The following MYL3 variants were observed in gnomAD, a reference collection of about 807,000 sequenced individuals.
The protein encoded by MYL3 is CMLC1.
In MYL3, 11 loss-of-function variants were observed where a neutral mutation model predicts 21.3. The ratio of observed to expected loss-of-function variants is 0.52; its 90% confidence interval spans 0.32 to 0.85. MYL3 has a LOEUF of 0.85. Ranked by LOEUF, MYL3 falls within the 40% of genes least tolerant of loss-of-function variation. The pLI is 0.03. For synonymous variants in MYL3, 88 were observed against 91.6 expected (o/e 0.96, Z 0.22); for missense variants, 206 against 253.3 (o/e 0.81, Z 1.27).
At chr3:46,866,829 C>T (rs1473535059), upstream of MYL3, among the ~76,000 whole-genome samples, 1 of 152,204 alleles carries the variant, frequency 6.6e-6, no homozygotes, top group East Asian at 1.9e-4. Flanking sequence ...CCACCACTTC[C>T]CCATGCCCAC....
At chr3:46,880,148 C>T (rs1170991970) in intron 1 of MYL3, 1 of 152,254 alleles carries the variant, frequency 6.6e-6, no homozygotes, top group East Asian at 1.9e-4. Flanking sequence ...CCCAAGGAGG[C>T]TACATACCAT....
intron 1 of MYL3, among the ~76,000 whole-genome samples, chr3:46,876,950 C>A (rs554119586): frequency 6.6e-6 from 1 of 152,180 alleles, no homozygotes; most frequent in Non-Finnish European, 1.5e-5. Context: ...TCCTGAGCAA[C>A]CAGCCCTGGT....
At position 46,858,430 on chromosome 3, in the gene MYL3, C is replaced by T. The variant is rs1575497431; in HGVS notation, c.513G>A (p.Lys171=). 1 of 1,613,922 alleles carries T rather than the reference C, an allele frequency of 6.2e-7. No individual in the cohort carries two copies. Among genetic ancestry groups the T allele is most frequent in the Non-Finnish European group, 8.5e-7 (1 of 1,180,018 alleles). ...TGGAGTCCTCTTGCCCAGCCATCAACTTCTCCACTTCGTCTTCTGTCAGCC... is the reference window on the plus strand; with the variant it reads ...TGGAGTCCTCTTGCCCAGCCATCAATTTCTCCACTTCGTCTTCTGTCAGCC... The part of the protein sequence containing the change: ...GERLTEDEVE[K]LMAGQEDSNG... Residue 171 remains lysine, a synonymous_variant, in exon 5 of 7, where the codon AAG becomes AAA. Transcript: ENST00000292327.
At chr3:46,858,595 G>A (rs968599917) in intron 4 of MYL3, 134 bp from the exon 5 acceptor site, 1 of 860,728 alleles carries the variant, frequency 1.2e-6, no homozygotes. Flanking sequence ...ACAAGACCTT[G>A]GCCATCACCC....
Position 46,858,220 on chromosome 3 carries a change from T to A in MYL3, c.*13+11A>T. On this transcript the variant is annotated intron_variant, in intron 6 of 6. Coordinates refer to ENST00000292327, the MANE Select transcript of MYL3 (RefSeq NM_000258.3). ...TGGCAGCAGCGGGTTCAGGAGGGAGTGGGTGCCTACCTGGGCACGAGGTTT... is the reference window on the plus strand; with the variant it reads ...TGGCAGCAGCGGGTTCAGGAGGGAGAGGGTGCCTACCTGGGCACGAGGTTT... 1 of 1,613,568 alleles carries A rather than the reference T, an allele frequency of 6.2e-7. No homozygotes were observed. Among genetic ancestry groups the A allele is most frequent in the Non-Finnish European group, 8.5e-7 (1 of 1,179,866 alleles).
intron 1 of MYL3, among the ~76,000 whole-genome samples, chr3:46,880,808 G>A (rs956792467): frequency 3.9e-5 from 6 of 152,188 alleles, no homozygotes; most frequent in Admixed American, 3.9e-4. Flanking sequence ...ACCTGGGAGT[G>A]CAGTCTGGAA....
At chr3:46,881,967 T>G (rs2030602799) in intron 1 of MYL3, 2 of 152,036 alleles carry the variant, frequency 1.3e-5, no homozygotes. Context: ...AAAAAAAATT[T>G]AAAAGCCCGT....
chr3:46,858,132 G>A lies in MYL3; in HGVS notation c.*14-31C>T. The A allele has an allele frequency of 5.1e-6, 7 of 1,366,616 alleles. No homozygotes were observed. The Admixed American group carries it at 6.8e-5, about 13-fold the overall frequency. The allele number at this position is 1,366,616 out of a possible 1,614,324, so 84.7% of individuals were successfully genotyped here. A position where few individuals can be genotyped will look rare whatever the true frequency, so the allele number is the denominator to read the frequency against. ...AGCAAAGGCAGTGCAGATTACAGAGGAGGAGGGAGACGGAGGCAGCAGGAT... is the reference window on the plus strand; with the variant it reads ...AGCAAAGGCAGTGCAGATTACAGAGAAGGAGGGAGACGGAGGCAGCAGGAT... On this transcript the variant is annotated intron_variant, in intron 6 of 6. Transcript: ENST00000292327.
intron 1 of MYL3, among the ~76,000 whole-genome samples, chr3:46,876,758 G>A (rs1329156845): frequency 6.6e-6 from 1 of 152,190 alleles, no homozygotes; most frequent in Non-Finnish European, 1.5e-5. Context: ...GCTGGAATGT[G>A]CTGAGTGGCA....
rs1334409860 is a variant in MYL3, at chr3:46,859,207, A to T, written c.481+268T>A. 3.3e-5 allele frequency among the ~76,000 whole-genome samples: 5 copies of T among 151,976 alleles called. No individual in the cohort carries two copies. The highest frequency in any genetic ancestry group is 1.2e-4 in the African/African-American group (5 of 41,358). ...AATGACCACCAGGACGGTGGCCTGG[A>T]GTCGTGGGAAGGAGGGGAGCATATC... On this transcript the variant is annotated intron_variant, in intron 4 of 6. Coordinates refer to ENST00000292327, the MANE Select transcript of MYL3 (RefSeq NM_000258.3). The surrounding 1 kb of genome is among the most constrained non-coding windows in gnomAD (Gnocchi z 4.1).
chr3:46,875,072 T>C (rs754430922), intron 1 of MYL3, among the ~76,000 whole-genome samples: 43 of 152,302 alleles, frequency 2.8e-4, no homozygotes, highest in African/African-American at 1.0e-3. Flanking sequence ...GGGGACAGAA[T>C]TGTTACCAGG....
At chr3:46,858,580 T>C in intron 4 of MYL3, 119 bp from the exon 5 acceptor site, 2 of 964,936 alleles carry the variant, frequency 2.1e-6, no homozygotes, top group Non-Finnish European at 3.2e-6. Flanking sequence ...CAACCAGCAC[T>C]GTTCACAAGA....
At position 46,860,128 on chromosome 3, in the gene MYL3, C is replaced by A. The variant is rs545112964; in HGVS notation, c.308-480G>T. Among the ~76,000 whole-genome samples the A allele has an allele frequency of 5.3e-5, 8 of 150,004 alleles. No homozygotes were observed. In the South Asian group the frequency reaches 1.7e-3, roughly 32 times the overall value. Reference sequence around the variant, plus strand: ...TTATTCATTTATGTATTTATTCATTCATTTATTTATTTTTAGACACGAGGT... The same window carrying A: ...TTATTCATTTATGTATTTATTCATTAATTTATTTATTTTTAGACACGAGGT... On this transcript the variant is annotated intron_variant, in intron 3 of 6. Coordinates refer to ENST00000292327, the MANE Select transcript of MYL3 (RefSeq NM_000258.3). This position sits in a 1 kb window ranked among gnomAD's most constrained non-coding sequence, Gnocchi z 4.6.
At chr3:46,877,204 T>C (rs2030270127) in intron 1 of MYL3, among the ~76,000 whole-genome samples, 1 of 151,988 alleles carries the variant, frequency 6.6e-6, no homozygotes. Flanking sequence ...GACGGCCCCC[T>C]CCATCTCTTC....
At position 46,863,014 on chromosome 3, in the gene MYL3, C is replaced by A. The variant is rs145587968; in HGVS notation, c.129+248G>T. Among the ~76,000 whole-genome samples, 257 of 152,354 alleles carry A rather than the reference C, an allele frequency of 1.7e-3. 1 individual carries two copies. Among genetic ancestry groups the A allele is most frequent in the African/African-American group, 5.9e-3 (247 of 41,584 alleles). On this transcript the variant is annotated intron_variant, in intron 1 of 6. Coordinates refer to ENST00000292327, the MANE Select transcript of MYL3 (RefSeq NM_000258.3). ...ACTAAAAAGACAGTCCAGACTCAAA[C>A]CCCAGTCTAGACTCCACCTTAGTTC...
intron 1 of MYL3, among the ~76,000 whole-genome samples, chr3:46,871,429 T>C (rs1442473520): frequency 1.3e-5 from 2 of 152,102 alleles, no homozygotes; most frequent in Non-Finnish European, 2.9e-5. Context: ...GTGTTGTTCT[T>C]GGCACATCCG....
chr3:46,858,328 G>C, intron 5 of MYL3, 56 bp from the exon 6 acceptor site: 1 of 1,614,100 alleles, frequency 6.2e-7, no homozygotes, highest in Non-Finnish European at 8.5e-7. Flanking sequence ...GCCATGGCTG[G>C]GAGCCTGGGT....
chr3:46,878,565 C>T (rs1452898510), intron 1 of MYL3, among the ~76,000 whole-genome samples: 1 of 152,194 alleles, frequency 6.6e-6, no homozygotes, highest in Non-Finnish European at 1.5e-5. Context: ...AATATAAGGA[C>T]TCAGAAATAG....
At chr3:46,876,040 C>T (rs2030194432) in intron 1 of MYL3, among the ~76,000 whole-genome samples, 1 of 152,240 alleles carries the variant, frequency 6.6e-6, no homozygotes, top group Non-Finnish European at 1.5e-5. Context: ...GCCCAAGGCT[C>T]GAGGAGAGAA....
Sources: allele counts gnomAD v4.1 joint callset (sites outside exome capture counted in the v4.1 genomes callset), GRCh38; gene constraint gnomAD v4.1.1; non-coding constraint Gnocchi (gnomAD v3.1); transcripts MANE v1.5; gene names NCBI Gene and HGNC (gene_info 2026-07-23, HGNC 2026-07-21).